Variants in SLC36A1 observed in about 807,000 individuals in gnomAD.
The protein encoded by SLC36A1 is proton-coupled amino acid transporter 1.
SLC36A1 carries 30 observed loss-of-function variants against 47.5 expected under a neutral mutation model. The ratio of observed to expected loss-of-function variants is 0.63; its 90% CI spans 0.47 to 0.86. The LOEUF (loss-of-function observed/expected upper bound fraction) is 0.86, where lower values mean the gene tolerates loss of function less well. Ranked by LOEUF, SLC36A1 falls within the 40% of genes least tolerant of loss-of-function variation. The pLI is 0.00. For synonymous variants in SLC36A1, 255 were observed against 249.7 expected (o/e 1.02, Z -0.20); for missense variants, 517 against 606.0 (o/e 0.85, Z 1.54).
the SLC36A1 span, among the ~76,000 whole-genome samples, chr5:151,513,778 T>C: frequency 1.3e-5 from 2 of 152,196 alleles, no homozygotes; most frequent in African/African-American, 4.8e-5. Flanking sequence ...TTTAATTAAT[T>C]AAGGTATTTA....
the SLC36A1 span, chr5:151,549,520 G>T: frequency 3.0e-5 from 48 of 1,611,490 alleles, 1 homozygote; most frequent in South Asian, 1.4e-4. Flanking sequence ...GGGCCCAAAG[G>T]GGGTAATTGG....
In SLC36A1 at chr5:151,488,534, C is replaced by CT. The variant is rs1759854742; in HGVS notation, c.*282dup. ...CAGCTCCCCCTCATCATGCCTCCTC[C>CT]TTCCTACCTGCCTCCCCTCTGCTGG... On this transcript the variant is annotated 3_prime_UTR_variant, in exon 11 of 11. Transcript: ENST00000243389. 1 of 462,138 alleles carries CT rather than the reference C, an allele frequency of 2.2e-6. No homozygotes were observed. Among genetic ancestry groups the CT allele is most frequent in the Non-Finnish European group, 3.9e-6 (1 of 254,666 alleles). 28.6% of individuals were successfully genotyped at this position (462,138 alleles called of 1,614,324 possible).
At chr5:151,484,897 C>T (rs889146091) in intron 10 of SLC36A1, among the ~76,000 whole-genome samples, 3 of 152,062 alleles carry the variant, frequency 2.0e-5, no homozygotes, top group East Asian at 1.9e-4. Context: ...TCAGTTCTCC[C>T]GATTGTTACC....
the SLC36A1 span, among the ~76,000 whole-genome samples, chr5:151,389,063 C>G: frequency 6.6e-6 from 1 of 152,158 alleles, no homozygotes; most frequent in African/African-American, 2.4e-5. Context: ...CATATCTCAT[C>G]GCCTACAGGA....
At chr5:151,453,442 C>T (rs1753976191) in intron 1 of SLC36A1, among the ~76,000 whole-genome samples, 1 of 151,708 alleles carries the variant, frequency 6.6e-6, no homozygotes, top group Admixed American at 6.6e-5. Flanking sequence ...CAATTTTACC[C>T]AAGTGTATTT....
At chr5:151,486,828 A>G (rs1020098026) in intron 10 of SLC36A1, among the ~76,000 whole-genome samples, 1 of 152,250 alleles carries the variant, frequency 6.6e-6, no homozygotes, top group Non-Finnish European at 1.5e-5. Context: ...CAGGTTAGTA[A>G]CTAACAGGAA....
At position 151,490,847 on chromosome 5, in the gene SLC36A1, T is replaced by C. The variant is rs1428366355; in HGVS notation, c.*2593T>C. 2 of 152,322 alleles carry C rather than the reference T, an allele frequency of 1.3e-5. No individual in the cohort carries two copies. The highest frequency in any genetic ancestry group is 2.4e-5 in the African/African-American group (1 of 41,438). The allele number at this position is 152,322 out of a possible 1,614,324, so 9.4% of individuals were successfully genotyped here. A position where few individuals can be genotyped will look rare whatever the true frequency, so the allele number is the denominator to read the frequency against. ...TGGGAGGAAGCCCTTCCTCCTCTTA[T>C]GCAAGCAGCTCGCAGCCAGCCCAGA... On this transcript the variant is annotated 3_prime_UTR_variant, in exon 11 of 11. Transcript: ENST00000243389.
At chr5:151,368,040 C>T in the SLC36A1 span, among the ~76,000 whole-genome samples, 2 of 152,182 alleles carry the variant, frequency 1.3e-5, no homozygotes, top group Non-Finnish European at 2.9e-5. Flanking sequence ...TTTAACTAGG[C>T]CAAATTATAC....
chr5:151,362,303 T>C, the SLC36A1 span, among the ~76,000 whole-genome samples: 25 of 152,140 alleles, frequency 1.6e-4, no homozygotes, highest in East Asian at 4.2e-3. Flanking sequence ...AAGCTCACTG[T>C]TTCTATATAG....
the SLC36A1 span, among the ~76,000 whole-genome samples, chr5:151,361,924 T>C: frequency 5.9e-5 from 9 of 152,214 alleles, no homozygotes; most frequent in Non-Finnish European, 1.0e-4. Flanking sequence ...ATGGTTTCCA[T>C]TGAGAAGTCT....
the SLC36A1 span, among the ~76,000 whole-genome samples, chr5:151,405,001 T>A: frequency 6.6e-6 from 1 of 152,242 alleles, no homozygotes; most frequent in Admixed American, 6.5e-5. Flanking sequence ...AGTTGCATAC[T>A]CTCTCTACTT....
At chr5:151,540,900 AC>A in the SLC36A1 span, 2 of 664,552 alleles carry the variant, frequency 3.0e-6, no homozygotes, top group East Asian at 3.0e-5. Flanking sequence ...CTAGGAACCC[AC>A]GATTCTACAC....
At chr5:151,404,152 T>C in the SLC36A1 span, among the ~76,000 whole-genome samples, 1 of 152,226 alleles carries the variant, frequency 6.6e-6, no homozygotes. Flanking sequence ...ATTGAACTCT[T>C]TATCATTATG....
At position 151,480,133 on chromosome 5, in the gene SLC36A1, A is replaced by T. The variant is rs1434142772; in HGVS notation, c.1159+644A>T. 7 of 1,447,336 alleles carry T rather than the reference A, an allele frequency of 4.8e-6. No homozygotes were observed. In the Admixed American group the frequency reaches 1.2e-4, roughly 24 times the overall value. The allele number at this position is 1,447,336 out of a possible 1,614,324, so 89.7% of individuals were successfully genotyped here. A position where few individuals can be genotyped will look rare whatever the true frequency, so the allele number is the denominator to read the frequency against. ...GGTGACATTTAGAAAATAAAAGTAAATTTTTTTTGTAGCTTCTGTGAGTTG... is the reference window on the plus strand; with the variant it reads ...GGTGACATTTAGAAAATAAAAGTAATTTTTTTTTGTAGCTTCTGTGAGTTG... On this transcript the variant is annotated intron_variant, in intron 10 of 10. Transcript: ENST00000243389.
rs140066315 is a variant in SLC36A1 at position 151,457,104 on chromosome 5, T to A, written c.-5-1684T>A. Among the ~76,000 whole-genome samples, 105 of 152,236 alleles carry A rather than the reference T, an allele frequency of 6.9e-4. 1 individual carries two copies. The highest frequency in any genetic ancestry group is 1.4e-3 in the Non-Finnish European group (97 of 68,016). ...TTTATATTAATGTACCCTTTTTTTG[T>A]CACTTGGTTCTTGAAGAGCAGGAAG... On this transcript the variant is annotated intron_variant, in intron 1 of 10. Transcript: ENST00000243389.
the SLC36A1 span, among the ~76,000 whole-genome samples, chr5:151,391,941 C>CT: frequency 2.6e-5 from 4 of 152,180 alleles, no homozygotes; most frequent in Admixed American, 2.0e-4. Context: ...AGGATTCCCT[C>CT]TTTTTCTATT....
At chr5:151,503,330 A>G in the SLC36A1 span, among the ~76,000 whole-genome samples, 1 of 148,178 alleles carries the variant, frequency 6.7e-6, no homozygotes, top group East Asian at 1.9e-4. Flanking sequence ...GAGGGAAGGC[A>G]TATCGCTGTA....
At chr5:151,417,461 T>C in the SLC36A1 span, among the ~76,000 whole-genome samples, 1 of 152,132 alleles carries the variant, frequency 6.6e-6, no homozygotes, top group African/African-American at 2.4e-5. Context: ...CGAAACCATT[T>C]TTTCCTCCTA....
chr5:151,526,784 C>T, the SLC36A1 span, among the ~76,000 whole-genome samples: 2 of 152,200 alleles, frequency 1.3e-5, no homozygotes, highest in African/African-American at 2.4e-5. Context: ...TTTTTATTCA[C>T]TCCCTCACCT....
Sources: gnomAD v4.1 joint callset for allele counts (sites outside exome capture counted in the v4.1 genomes callset) on GRCh38, gnomAD v4.1.1 for gene constraint, MANE v1.5 for transcripts, NCBI Gene and HGNC (gene_info 2026-07-23, HGNC 2026-07-21) for gene names.